Variants in DNAH11 observed in about 807,000 individuals in gnomAD.
DNAH11 encodes the protein dynein axonemal heavy chain 11, also known as axonemal beta dynein heavy chain 11.
In DNAH11, 442 loss-of-function variants were observed where a neutral mutation model predicts 526.0. The observed-to-expected ratio is 0.84, with a 90% CI of 0.78 to 0.91. The LOEUF is 0.91. DNAH11 is among the 40% of genes least tolerant of loss of function. The probability of loss-of-function intolerance (pLI) is 0.00; values close to 1 mark genes in which losing one functional copy is unlikely to be tolerated. For synonymous variants in DNAH11, 2,461 were observed against 1,935.9 expected, an observed-to-expected ratio of 1.27 and a Z score of -7.12; for missense variants, 6,989 against 5,448.7, an observed-to-expected ratio of 1.28 and a Z score of -8.90.
intron 42 of DNAH11, among the ~76,000 whole-genome samples, chr7:21,714,315 A>G (rs928957314): frequency 7.2e-5 from 11 of 152,278 alleles, no homozygotes; most frequent in African/African-American, 2.4e-4. Context: ...GTAGATGTTA[A>G]TTTTCATATG....
Position 21,900,774 on chromosome 7 carries a change from A to ACTTCC in DNAH11, c.13304-232_13304-228dup, listed in dbSNP as rs1367885597. The ACTTCC allele has an allele frequency of 2.3e-5, 10 of 432,820 alleles. No individual in the cohort carries two copies. In the East Asian group the frequency reaches 4.0e-4, roughly 17 times the overall value. 26.8% of individuals were successfully genotyped at this position (432,820 alleles called of 1,614,324 possible). On this transcript the variant is annotated intron_variant, in intron 81 of 81. Coordinates refer to ENST00000409508, the MANE Select transcript of DNAH11 (RefSeq NM_001277115.2). ...GAATCCCATTTCATAAAATCAGCTTACTTCCACAGGAAAGTTTAACCACTA... is the reference window on the plus strand; with the variant it reads ...GAATCCCATTTCATAAAATCAGCTTACTTCCCTTCCACAGGAAAGTTTAACCACTA...
At chr7:21,595,647 A>G (rs1784834216) in intron 14 of DNAH11, among the ~76,000 whole-genome samples, 1 of 152,152 alleles carries the variant, frequency 6.6e-6, no homozygotes, top group South Asian at 2.1e-4. Flanking sequence ...AGTTTTGGGC[A>G]TTTTGAATTT....
chr7:21,647,054 T>C (rs909716315), intron 28 of DNAH11, among the ~76,000 whole-genome samples: 5 of 152,172 alleles, frequency 3.3e-5, no homozygotes, highest in Non-Finnish European at 7.4e-5. Flanking sequence ...TAATTATATG[T>C]GTATTTCATG....
At position 21,683,876 on chromosome 7, in the gene DNAH11, C is replaced by T. The variant is rs746430440; in HGVS notation, c.5553C>T (p.Ala1851=). Residue 1851 remains alanine, a synonymous_variant, in exon 32 of 82, where the codon GCC becomes GCT. Coordinates refer to ENST00000409508, the MANE Select transcript of DNAH11 (RefSeq NM_001277115.2). ...QKHCFVNICD[A]QFQYFYEYLG... ...ACTGCTTTGTTAATATTTGTGATGC[C>T]CAGTTCCAGTACTTCTATGAATACT... 3 of 1,613,658 alleles carry T rather than the reference C, an allele frequency of 1.9e-6. No individual in the cohort carries two copies. Among genetic ancestry groups the T allele is most frequent in the South Asian group, 2.2e-5 (2 of 91,038 alleles).
intron 73 of DNAH11, 101 bp downstream of exon 73, chr7:21,869,092 A>G: frequency 6.6e-7 from 1 of 1,526,024 alleles, no homozygotes; most frequent in Non-Finnish European, 8.8e-7. Flanking sequence ...ACCGCTGTGC[A>G]TGGCGATTTG....
At chr7:21,658,716 C>G (rs916226459) in intron 29 of DNAH11, 82 bp from the exon 30 acceptor site, 3 of 1,191,664 alleles carry the variant, frequency 2.5e-6, no homozygotes, top group South Asian at 3.3e-5. Context: ...TTACCCTCTG[C>G]GTGGCCTTAG....
chr7:21,898,803 A>G (rs1400976783), intron 79 of DNAH11, among the ~76,000 whole-genome samples: 1 of 152,108 alleles, frequency 6.6e-6, no homozygotes, highest in Non-Finnish European at 1.5e-5. Flanking sequence ...TGTTTTCCTA[A>G]TTAACCTTTT....
intron 12 of DNAH11, among the ~76,000 whole-genome samples, chr7:21,590,203 TAATC>T (rs1386571551): frequency 6.6e-6 from 1 of 152,202 alleles, no homozygotes; most frequent in East Asian, 1.9e-4. Context: ...TGCATATATT[TAATC>T]AATGCTAGAT....
chr7:21,865,517 A>G (rs1305548547), intron 70 of DNAH11, among the ~76,000 whole-genome samples: 2 of 152,140 alleles, frequency 1.3e-5, no homozygotes, highest in African/African-American at 4.8e-5. Flanking sequence ...GGGAAGGAAA[A>G]AGGAGGAAAA....
At chr7:21,832,977 C>G (rs530140768) in intron 65 of DNAH11, among the ~76,000 whole-genome samples, 17 of 152,318 alleles carry the variant, frequency 1.1e-4, no homozygotes, top group African/African-American at 3.1e-4. Context: ...TGTGCCGCTT[C>G]TCATGCATAT....
At chr7:21,660,545 G>C (rs1782200438) in intron 30 of DNAH11, among the ~76,000 whole-genome samples, 1 of 151,214 alleles carries the variant, frequency 6.6e-6, no homozygotes, top group African/African-American at 2.4e-5. Flanking sequence ...TGTTAAAGAT[G>C]ATAAAGAAAA....
chr7:21,708,856 C>G (rs1784364535), intron 40 of DNAH11, among the ~76,000 whole-genome samples: 3 of 152,078 alleles, frequency 2.0e-5, no homozygotes, highest in Non-Finnish European at 4.4e-5. Flanking sequence ...GATGGCAGAT[C>G]TAAAGTAGAA....
chr7:21,593,299 T>G (rs190052986), intron 14 of DNAH11, among the ~76,000 whole-genome samples: 1 of 152,024 alleles, frequency 6.6e-6, no homozygotes, highest in East Asian at 1.9e-4. Flanking sequence ...CGGAAGTCAT[T>G]GGGATGAGGA....
chr7:21,760,842 T>C (rs1314230281), intron 54 of DNAH11, among the ~76,000 whole-genome samples: 1 of 135,588 alleles, frequency 7.4e-6, no homozygotes, highest in Non-Finnish European at 1.6e-5. Flanking sequence ...GTATTCCAGA[T>C]ATTAACCAAC....
chr7:21,741,887 A>G (rs760829830), intron 48 of DNAH11, 40 bp from the exon 49 acceptor site: 27 of 1,604,946 alleles, frequency 1.7e-5, no homozygotes, highest in Non-Finnish European at 1.6e-5. Flanking sequence ...TTCTGGTACA[A>G]TTGTAATCCT....
Position 21,704,424 on chromosome 7 carries a change from T to C in DNAH11, c.6274-10T>C. The stretch of plus-strand genomic sequence containing the variant: ...GTATTGGCTTTTTTATAAAATGTTT[T>C]TTTTTCTAGGTACTCATGAGAGCAT... On this transcript the variant is annotated splice_polypyrimidine_tract_variant and intron_variant, in intron 37 of 81. Transcript: ENST00000409508. 2.5e-6 allele frequency: 4 copies of C among 1,603,440 alleles called. No homozygotes were observed. The highest frequency in any genetic ancestry group is 3.4e-6 in the Non-Finnish European group (4 of 1,175,270).
Position 21,873,335 on chromosome 7 carries a change from A to C in DNAH11, c.12029A>C (p.Gln4010Pro), listed in dbSNP as rs779965835. 1 of 1,612,416 alleles carries C rather than the reference A, an allele frequency of 6.2e-7. No homozygotes were observed. The highest frequency in any genetic ancestry group is 1.1e-5 in the South Asian group (1 of 90,710). ...GAGAAGCTCCTTGAAAGATTCAGCC[A>C]AGGAAGCCACAGAGATTACAGGGTT... ...TLEKLLERFS[Q>P]GSHRDYRVFM... The change falls in exon 74 of 82, where the codon CAA (glutamine) becomes CCA (proline). Residue 4010 changes from glutamine (Q) to proline (P), a missense_variant. Gln to Pro is a moderately conservative substitution (Grantham distance 76). Transcript: ENST00000409508.
At chr7:21,589,910 A>G (rs917664509) in intron 12 of DNAH11, among the ~76,000 whole-genome samples, 2 of 152,204 alleles carry the variant, frequency 1.3e-5, no homozygotes, top group Non-Finnish European at 2.9e-5. Flanking sequence ...ATTTTAATTT[A>G]TTGTCATTTC....
chr7:21,659,913 C>G (rs1782174093), intron 30 of DNAH11, among the ~76,000 whole-genome samples: 1 of 152,084 alleles, frequency 6.6e-6, no homozygotes, highest in Non-Finnish European at 1.5e-5. Context: ...TTTACTCTTT[C>G]AATCTTGCAT....
Sources: gnomAD v4.1 joint callset for allele counts (sites outside exome capture counted in the v4.1 genomes callset) on GRCh38, gnomAD v4.1.1 for gene constraint, MANE v1.5 for transcripts, NCBI Gene and HGNC (gene_info 2026-07-23, HGNC 2026-07-21) for gene names.